ETV6: variants seen among roughly 807,000 people sequenced by gnomAD.
ETV6 encodes transcription factor ETV6.
A neutral mutation model predicts 51.1 loss-of-function variants in ETV6; 16 were observed. That is an observed-to-expected ratio of 0.31 (90% CI 0.21 to 0.48). The LOEUF (loss-of-function observed/expected upper bound fraction) is 0.48. Ranked by LOEUF, ETV6 falls within the 20% of genes least tolerant of loss-of-function variation. The probability of loss-of-function intolerance (pLI) is 0.99; values close to 1 mark genes in which losing one functional copy is unlikely to be tolerated. For synonymous variants in ETV6, 240 were observed against 224.1 expected (o/e 1.07, Z -0.64); for missense variants, 458 against 594.8 (o/e 0.77, Z 2.39).
intron 2 of ETV6, among the ~76,000 whole-genome samples, chr12:11,763,463 A>T (rs534452339): frequency 6.6e-6 from 1 of 152,322 alleles, no homozygotes; most frequent in South Asian, 2.1e-4. Flanking sequence ...GAATGCCCTG[A>T]CCAAGTGCTG....
At chr12:11,831,796 C>G (rs1277551885) in intron 2 of ETV6, among the ~76,000 whole-genome samples, 1 of 152,148 alleles carries the variant, frequency 6.6e-6, no homozygotes, top group East Asian at 1.9e-4. Flanking sequence ...TTACTTATTT[C>G]CTTATTGCTG....
At chr12:11,832,245 CTTCT>C (rs945190301) in intron 2 of ETV6, among the ~76,000 whole-genome samples, 6 of 152,212 alleles carry the variant, frequency 3.9e-5, no homozygotes, top group African/African-American at 1.4e-4. Context: ...AACTGTTCAA[CTTCT>C]TTCTCTCTCC....
rs2856343 is a variant in ETV6 at position 11,735,892 on chromosome 12, G to A, written c.34-16558G>A. Among the ~76,000 whole-genome samples, 12 of 152,314 alleles carry A rather than the reference G, an allele frequency of 7.9e-5. 1 individual carries two copies. The East Asian group carries it at 1.4e-3, about 17-fold the overall frequency. On this transcript the variant is annotated intron_variant, in intron 1 of 7. Coordinates refer to ENST00000396373, the MANE Select transcript of ETV6 (RefSeq NM_001987.5). ...GGGGATTACAGGCGTGAACCATCGC[G>A]CCCGGCCAGCTCGTCGCTTATTATG...
chr12:11,668,642 G>A (rs765328377), intron 1 of ETV6, among the ~76,000 whole-genome samples: 3 of 152,180 alleles, frequency 2.0e-5, no homozygotes, highest in Non-Finnish European at 2.9e-5. Flanking sequence ...GGGCTAGTTA[G>A]TATGTTTTTC....
At chr12:11,759,737 T>A (rs1278129232) in intron 2 of ETV6, among the ~76,000 whole-genome samples, 1 of 151,082 alleles carries the variant, frequency 6.6e-6, no homozygotes, top group Non-Finnish European at 1.5e-5. Flanking sequence ...TGTATCTACC[T>A]AATGCTTTCT....
rs114545565 is a variant in ETV6, at chr12:11,756,900, G to A, written c.163+4321G>A. ...GGCAGAATTTAAATAATTAAATGTC[G>A]TTATTTTAAATTTCTTTTAAACATG... On this transcript the variant is annotated intron_variant, in intron 2 of 7. Coordinates refer to ENST00000396373, the MANE Select transcript of ETV6 (RefSeq NM_001987.5). 2.2e-3 allele frequency among the ~76,000 whole-genome samples: 328 copies of A among 152,300 alleles called. 2 individuals carry two copies. Among genetic ancestry groups the A allele is most frequent in the African/African-American group, 7.4e-3 (309 of 41,580 alleles).
At chr12:11,729,610 T>C (rs1019661859) in intron 1 of ETV6, among the ~76,000 whole-genome samples, 8 of 152,174 alleles carry the variant, frequency 5.3e-5, no homozygotes, top group African/African-American at 1.9e-4. Flanking sequence ...TTCCTTAACC[T>C]TGAAGCAATC....
intron 5 of ETV6, among the ~76,000 whole-genome samples, chr12:11,874,258 T>TCC (rs1946928254): frequency 6.6e-6 from 1 of 151,770 alleles, no homozygotes; most frequent in South Asian, 2.1e-4. Context: ...ACACCTGTAG[T>TCC]CCCAGCTACC....
intron 1 of ETV6, among the ~76,000 whole-genome samples, chr12:11,677,710 C>G (rs1864447394): frequency 6.6e-6 from 1 of 152,174 alleles, no homozygotes. Flanking sequence ...TACACTAGTG[C>G]CACTTACTCT....
At chr12:11,781,153 T>C (rs1430348737) in intron 2 of ETV6, among the ~76,000 whole-genome samples, 1 of 152,254 alleles carries the variant, frequency 6.6e-6, no homozygotes, top group Non-Finnish European at 1.5e-5. Flanking sequence ...AAGTGTTTAT[T>C]TTTCAATTGC....
intron 2 of ETV6, among the ~76,000 whole-genome samples, chr12:11,810,462 C>T (rs1175393012): frequency 6.6e-6 from 1 of 152,108 alleles, no homozygotes; most frequent in Non-Finnish European, 1.5e-5. Context: ...TACAAATGGC[C>T]CCTCAGCTCA....
chr12:11,761,924 T>G (rs1410391500), intron 2 of ETV6, among the ~76,000 whole-genome samples: 4 of 152,232 alleles, frequency 2.6e-5, no homozygotes. Context: ...TCATGATCAT[T>G]CACTTGATTT....
chr12:11,884,900 A>G (rs1947162296), intron 6 of ETV6, among the ~76,000 whole-genome samples: 1 of 152,168 alleles, frequency 6.6e-6, no homozygotes, highest in South Asian at 2.1e-4. Context: ...GAACTGGGTA[A>G]AAGGGAAGTA....
chr12:11,894,697 A>G lies in ETV6; in HGVS notation c.*3651A>G, dbSNP rs1565574312. ...CCCACCTTTCACTGCCTAGGCTCCA[A>G]GTCTGAATACATTTTTGAAATAGGA... On this transcript the variant is annotated 3_prime_UTR_variant, in exon 8 of 8. Coordinates refer to ENST00000396373, the MANE Select transcript of ETV6 (RefSeq NM_001987.5). The G allele has an allele frequency of 4.3e-6, 1 of 233,100 alleles. No homozygotes were observed. The highest frequency in any genetic ancestry group is 8.5e-6 in the Non-Finnish European group (1 of 118,022). 14.4% of individuals were successfully genotyped at this position (233,100 alleles called of 1,614,324 possible).
intron 2 of ETV6, among the ~76,000 whole-genome samples, chr12:11,753,035 C>T (rs781304480): frequency 2.0e-5 from 3 of 152,194 alleles, no homozygotes; most frequent in East Asian, 1.9e-4. Context: ...AGGGCCCTCC[C>T]TCCCCTCCCT....
chr12:11,814,630 C>T (rs1439345189), intron 2 of ETV6, among the ~76,000 whole-genome samples: 1 of 152,172 alleles, frequency 6.6e-6, no homozygotes, highest in Admixed American at 6.5e-5. Flanking sequence ...GGGCTCAGAT[C>T]GATGGCTCTC....
intron 2 of ETV6, among the ~76,000 whole-genome samples, chr12:11,808,597 A>G (rs1464957684): frequency 2.6e-5 from 4 of 152,254 alleles, no homozygotes; most frequent in African/African-American, 9.6e-5. Flanking sequence ...GTTATATGCA[A>G]ATATACACCA....
At chr12:11,666,266 C>G (rs1864192052) in intron 1 of ETV6, among the ~76,000 whole-genome samples, 1 of 152,056 alleles carries the variant, frequency 6.6e-6, no homozygotes, top group African/African-American at 2.4e-5. Flanking sequence ...TTACTTGAGT[C>G]AGCTCTTTCC....
chr12:11,749,341 ACACACAC>A, intron 1 of ETV6, among the ~76,000 whole-genome samples: 1 of 111,068 alleles, frequency 9.0e-6, no homozygotes, highest in Non-Finnish European at 2.0e-5. Flanking sequence ...ACACACACAC[ACACACAC>A]ACCCCTACTC....
Sources: allele counts gnomAD v4.1 joint callset (sites outside exome capture counted in the v4.1 genomes callset), GRCh38; gene constraint gnomAD v4.1.1; transcripts MANE v1.5; gene names NCBI Gene and HGNC (gene_info 2026-07-23, HGNC 2026-07-21).